LHCGR: variants seen among roughly 807,000 people sequenced by gnomAD.
LHCGR encodes lutropin-choriogonadotropic hormone receptor.
Under a neutral mutation model 60.7 loss-of-function variants are expected in LHCGR, and 55 were observed. The ratio of observed to expected loss-of-function variants is 0.91; its 90% CI spans 0.73 to 1.13. The LOEUF (loss-of-function observed/expected upper bound fraction) is 1.13. Among genes scored for constraint, LHCGR ranks in the 50% most tolerant of loss-of-function variants. The pLI is 0.00. For missense variants in LHCGR, 862 were observed against 836.0 expected (o/e 1.03, Z -0.38); for synonymous variants, 337 against 316.5 (o/e 1.06, Z -0.69).
chr2:48,707,065 G>T (rs1366527284), intron 8 of LHCGR, among the ~76,000 whole-genome samples: 1 of 152,198 alleles, frequency 6.6e-6, no homozygotes, highest in Non-Finnish European at 1.5e-5. Context: ...GTGAGCTACA[G>T]ATGGGGTTTT....
rs1679934077 is a variant in LHCGR at position 48,687,155 on chromosome 2, A to T, written c.*542T>A. The T allele has an allele frequency of 6.3e-6, 1 of 157,660 alleles. No homozygotes were observed. The highest frequency in any genetic ancestry group is 2.4e-5 in the African/African-American group (1 of 41,490). The allele number at this position is 157,660 out of a possible 1,614,324, so 9.8% of individuals were successfully genotyped here. The stretch of plus-strand genomic sequence containing the variant: ...TGTGCTGTCCAGTATGGTAAGCACT[A>T]GTCACACGTAGCCATTGAGAACTTG... On this transcript the variant is annotated 3_prime_UTR_variant, in exon 11 of 11. Coordinates refer to ENST00000294954, the MANE Select transcript of LHCGR (RefSeq NM_000233.4).
chr2:48,751,382 C>T (rs974713559), intron 1 of LHCGR, among the ~76,000 whole-genome samples: 5 of 152,192 alleles, frequency 3.3e-5, no homozygotes, highest in Non-Finnish European at 7.3e-5. Context: ...TTCTCAGCAA[C>T]GAATCTCTAG....
chr2:48,736,315 C>A (rs992436158), intron 1 of LHCGR, among the ~76,000 whole-genome samples: 1 of 152,174 alleles, frequency 6.6e-6, no homozygotes, highest in African/African-American at 2.4e-5. Context: ...GGTGGGACTA[C>A]TCAGAAGGAC....
chr2:48,755,714 G>A lies in LHCGR; in HGVS notation c.-43C>T, dbSNP rs1337667501. On this transcript the variant is annotated 5_prime_UTR_variant, in exon 1 of 11. Coordinates refer to ENST00000294954, the MANE Select transcript of LHCGR (RefSeq NM_000233.4). ...TCTGCGGCTTGCCAGTGTCTTGGAC[G>A]GCCTCTGAGTGCGGCCCGCACCCCT... The A allele has an allele frequency of 2.6e-6, 4 of 1,532,898 alleles. No individual in the cohort carries two copies. The Admixed American group carries it at 5.9e-5, about 23-fold the overall frequency. 95.0% of individuals were successfully genotyped at this position (1,532,898 alleles called of 1,614,324 possible).
chr2:48,720,443 A>G (rs1668448200), intron 6 of LHCGR: 2 of 152,146 alleles, frequency 1.3e-5, no homozygotes, highest in South Asian at 4.1e-4. Flanking sequence ...GGAGTCATGG[A>G]TATTTGTGAT....
At chr2:48,710,205 A>G (rs1165677779) in intron 7 of LHCGR, among the ~76,000 whole-genome samples, 1 of 152,114 alleles carries the variant, frequency 6.6e-6, no homozygotes, top group African/African-American at 2.4e-5. Flanking sequence ...TGTCAATCTC[A>G]CATCGTCCCA....
At chr2:48,748,002 C>T (rs916686430) in intron 1 of LHCGR, among the ~76,000 whole-genome samples, 3 of 152,116 alleles carry the variant, frequency 2.0e-5, no homozygotes, top group Admixed American at 1.3e-4. Context: ...CCATGCTAGT[C>T]CAGCTGCCTC....
In LHCGR at chr2:48,704,923, T is replaced by A. The variant is rs532051499; in HGVS notation, c.680+4025A>T. On this transcript the variant is annotated intron_variant, in intron 8 of 10. Coordinates refer to ENST00000294954, the MANE Select transcript of LHCGR (RefSeq NM_000233.4). ...GCTCTGATCCTAGTTATTTCTTGCC[T>A]TCTGCTAGCTTTTGAATGTGTTTGC... 2.6e-5 allele frequency among the ~76,000 whole-genome samples: 4 copies of A among 152,328 alleles called. No homozygotes were observed. In the East Asian group the frequency reaches 7.7e-4, roughly 29 times the overall value.
intron 6 of LHCGR, among the ~76,000 whole-genome samples, chr2:48,723,087 T>C (rs564497386): frequency 9.2e-5 from 14 of 152,228 alleles, no homozygotes; most frequent in Non-Finnish European, 1.8e-4. Flanking sequence ...TTCCAAACTC[T>C]TCTCTGTTGA....
intron 1 of LHCGR, among the ~76,000 whole-genome samples, chr2:48,748,204 G>A (rs1426860491): frequency 1.3e-5 from 2 of 152,138 alleles, no homozygotes; most frequent in Non-Finnish European, 2.9e-5. Context: ...TTCTACATCT[G>A]GAAGACTATA....
At chr2:48,695,960 T>C (rs1667097765) in intron 9 of LHCGR, among the ~76,000 whole-genome samples, 1 of 152,018 alleles carries the variant, frequency 6.6e-6, no homozygotes, top group African/African-American at 2.4e-5. Flanking sequence ...CTGGATGCAA[T>C]ATACTCATGT....
chr2:48,736,089 C>A (rs144473006), intron 1 of LHCGR, among the ~76,000 whole-genome samples: 1 of 152,274 alleles, frequency 6.6e-6, no homozygotes, highest in African/African-American at 2.4e-5. Flanking sequence ...GCCTCCCTAG[C>A]CATGCTTCCT....
At chr2:48,709,291 C>G (rs576688030) in intron 7 of LHCGR, among the ~76,000 whole-genome samples, 2 of 152,274 alleles carry the variant, frequency 1.3e-5, no homozygotes, top group African/African-American at 4.8e-5. Flanking sequence ...TACTCACCCC[C>G]TCCTGTCCTG....
chr2:48,749,579 GA>G (rs1394391671), intron 1 of LHCGR, among the ~76,000 whole-genome samples: 6 of 152,076 alleles, frequency 3.9e-5, no homozygotes, highest in African/African-American at 1.4e-4. Flanking sequence ...CACTCTGGGA[GA>G]TTATATTTTG....
intron 6 of LHCGR, chr2:48,721,741 G>A (rs766548895): frequency 6.4e-6 from 3 of 470,716 alleles, no homozygotes; most frequent in African/African-American, 2.0e-5. Flanking sequence ...TTCTTTAAGG[G>A]TGAGCTCCTT....
intron 1 of LHCGR, among the ~76,000 whole-genome samples, chr2:48,735,022 G>A (rs1572879623): frequency 1.3e-5 from 2 of 152,328 alleles, no homozygotes; most frequent in East Asian, 3.9e-4. Flanking sequence ...CTTTTTTGCA[G>A]TTTTGAACTT....
intron 6 of LHCGR, among the ~76,000 whole-genome samples, chr2:48,719,026 C>T (rs1668381822): frequency 6.6e-6 from 1 of 152,132 alleles, no homozygotes; most frequent in Admixed American, 6.5e-5. Flanking sequence ...AGAATGATAA[C>T]AATAAAGGAT....
intron 1 of LHCGR, among the ~76,000 whole-genome samples, chr2:48,745,816 T>A (rs912044008): frequency 4.6e-5 from 7 of 151,602 alleles, no homozygotes; most frequent in African/African-American, 1.7e-4. Flanking sequence ...CTGCATGTTG[T>A]GCACATGTAC....
intron 8 of LHCGR, among the ~76,000 whole-genome samples, chr2:48,706,930 C>T (rs1667712689): frequency 6.6e-6 from 1 of 152,168 alleles, no homozygotes; most frequent in African/African-American, 2.4e-5. Context: ...GTTTTGTTCC[C>T]TTGCTGGTGA....
Sources: allele counts gnomAD v4.1 joint callset (sites outside exome capture counted in the v4.1 genomes callset), GRCh38; gene constraint gnomAD v4.1.1; transcripts MANE v1.5; gene names NCBI Gene and HGNC (gene_info 2026-07-23, HGNC 2026-07-21).